Variants in FOXP2 observed in about 807,000 individuals in gnomAD.
FOXP2 encodes the protein forkhead box P2, also known as forkhead box protein P2.
A neutral mutation model predicts 115.8 loss-of-function variants in FOXP2; 12 were observed. The ratio of observed to expected loss-of-function variants is 0.10; its 90% CI spans 0.07 to 0.17. The LOEUF is 0.17. Ranked by LOEUF, FOXP2 falls within the 10% of genes least tolerant of loss-of-function variation. The probability of loss-of-function intolerance (pLI) is 1.00; values close to 1 mark genes in which losing one functional copy is unlikely to be tolerated. For synonymous variants in FOXP2, 328 were observed against 297.7 expected (o/e 1.10, Z -1.05); for missense variants, 629 against 843.5 (o/e 0.75, Z 3.15).
rs909622458 is a variant in FOXP2 at position 114,299,921 on chromosome 7, A to G, written c.-11+11812A>G. ...AATGATTTAAGGAAATCAAAGGATT[A>G]CACAGTACTCATTTACACTTTCAGG... On this transcript the variant is annotated intron_variant, in intron 2 of 17. Coordinates refer to the FOXP2 transcript ENST00000634411. Among the ~76,000 whole-genome samples, 3 of 152,174 alleles carry G rather than the reference A, an allele frequency of 2.0e-5. No homozygotes were observed. In the East Asian group the frequency reaches 5.8e-4, roughly 29 times the overall value.
intron 2 of FOXP2, among the ~76,000 whole-genome samples, chr7:114,366,150 C>T (rs934038091): frequency 6.6e-6 from 1 of 152,070 alleles, no homozygotes; most frequent in African/African-American, 2.4e-5. Flanking sequence ...TTTTTTGTCC[C>T]TTGAGGTGTT....
intron 2 of FOXP2, among the ~76,000 whole-genome samples, chr7:114,296,025 G>T (rs1034058197): frequency 2.0e-5 from 3 of 152,104 alleles, no homozygotes; most frequent in Non-Finnish European, 4.4e-5. Flanking sequence ...GGAATAATTT[G>T]CCAGGTTTAA....
At chr7:114,265,341 G>A (rs1795870338) in intron 1 of FOXP2, among the ~76,000 whole-genome samples, 1 of 152,108 alleles carries the variant, frequency 6.6e-6, no homozygotes, top group Admixed American at 6.5e-5. Context: ...ACCCAGCAGG[G>A]CAGTCATTAA....
intron 1 of FOXP2, among the ~76,000 whole-genome samples, chr7:114,214,525 C>T (rs1015981812): frequency 6.6e-6 from 1 of 152,116 alleles, no homozygotes; most frequent in Admixed American, 6.5e-5. Flanking sequence ...ATCCTTTTTA[C>T]CATGGCTACT....
intron 1 of FOXP2, among the ~76,000 whole-genome samples, chr7:114,263,310 C>A (rs1427571156): frequency 6.6e-6 from 1 of 151,682 alleles, no homozygotes; most frequent in Non-Finnish European, 1.5e-5. Context: ...ATAAACACTC[C>A]TCTATTATAG....
chr7:114,119,740 T>C (rs1160161134), intron 1 of FOXP2, among the ~76,000 whole-genome samples: 1 of 152,152 alleles, frequency 6.6e-6, no homozygotes, highest in Admixed American at 6.6e-5. Context: ...TTTTCATCAA[T>C]AGTATTTTTG....
intron 2 of FOXP2, among the ~76,000 whole-genome samples, chr7:114,495,509 T>TG (rs1797275508): frequency 2.9e-5 from 4 of 135,698 alleles, no homozygotes; most frequent in African/African-American, 8.2e-5. Flanking sequence ...TTTTTTTTTT[T>TG]TTTTGTTATT....
intron 1 of FOXP2, among the ~76,000 whole-genome samples, chr7:114,242,352 T>G (rs1045255982): frequency 6.6e-6 from 1 of 152,084 alleles, no homozygotes; most frequent in Admixed American, 6.5e-5. Flanking sequence ...ATGGGCAAAT[T>G]ACACCAATTG....
rs370489410 is a variant in FOXP2 at position 114,106,191 on chromosome 7, T to G, written c.-247+18353T>G. On this transcript the variant is annotated intron_variant, in intron 1 of 19. Coordinates refer to the FOXP2 transcript ENST00000635638. ...GTTCTTTCATCTGTGAACCTAATTT[T>G]TATCTCACCTGTAAAATATAGACAA... Among the ~76,000 whole-genome samples, 30 of 152,174 alleles carry G rather than the reference T, an allele frequency of 2.0e-4. No homozygotes were observed. The East Asian group carries it at 5.4e-3, about 27-fold the overall frequency.
intron 3 of FOXP2, among the ~76,000 whole-genome samples, chr7:114,546,390 C>T (rs554509502): frequency 6.6e-6 from 1 of 152,358 alleles, no homozygotes; most frequent in African/African-American, 2.4e-5. Flanking sequence ...CACCATCATA[C>T]ACCTGATACA....
intron 2 of FOXP2, among the ~76,000 whole-genome samples, chr7:114,468,807 G>T (rs371296582): frequency 1.3e-5 from 2 of 151,892 alleles, no homozygotes; most frequent in Non-Finnish European, 2.9e-5. Context: ...TAAGACTCAG[G>T]ATTATTCAAC....
intron 16 of FOXP2, among the ~76,000 whole-genome samples, chr7:114,688,134 T>A (rs1398325363): frequency 6.7e-6 from 1 of 150,194 alleles, no homozygotes; most frequent in Non-Finnish European, 1.5e-5. Context: ...AATGTGCTTG[T>A]CCTTTTCCTT....
At chr7:114,354,234 T>G (rs1256070925) in intron 2 of FOXP2, among the ~76,000 whole-genome samples, 1 of 152,090 alleles carries the variant, frequency 6.6e-6, no homozygotes, top group Non-Finnish European at 1.5e-5. Context: ...ATCAGATCCC[T>G]TCTGGGTTAG....
intron 2 of FOXP2, among the ~76,000 whole-genome samples, chr7:114,503,228 A>G (rs905630534): frequency 6.6e-6 from 1 of 151,874 alleles, no homozygotes; most frequent in Non-Finnish European, 1.5e-5. Context: ...TTTTGGTTCA[A>G]GTGACAGCAA....
intron 3 of FOXP2, among the ~76,000 whole-genome samples, chr7:114,583,176 G>A (rs377571718): frequency 2.0e-4 from 31 of 152,022 alleles, no homozygotes; most frequent in South Asian, 8.3e-4. Context: ...TCAGGAGTTC[G>A]AGCAAGACCA....
intron 9 of FOXP2, 85 bp downstream of exon 9, chr7:114,652,375 C>T (rs1806316093): frequency 1.8e-6 from 2 of 1,132,724 alleles, no homozygotes; most frequent in Non-Finnish European, 2.6e-6. Context: ...GTCTTTCAGC[C>T]TGCATTTTAC....
In FOXP2 at chr7:114,659,682, T is replaced by C. The variant is rs2129341041; in HGVS notation, c.1647+9T>C. 2 of 1,609,988 alleles carry C rather than the reference T, an allele frequency of 1.2e-6. No individual in the cohort carries two copies. The highest frequency in any genetic ancestry group is 3.3e-5 in the Admixed American group (2 of 59,960). Reference sequence around the variant, plus strand: ...ATGCAGCAACTTGGAAGGTAACTACTTTTCCAGCAGTTTTAAGATGCCTAC... The same window carrying C: ...ATGCAGCAACTTGGAAGGTAACTACCTTTCCAGCAGTTTTAAGATGCCTAC... On this transcript the variant is annotated intron_variant, in intron 13 of 16. Transcript: ENST00000350908.
chr7:114,412,123 C>T (rs1793178870), upstream of FOXP2, among the ~76,000 whole-genome samples: 1 of 151,932 alleles, frequency 6.6e-6, no homozygotes, highest in African/African-American at 2.4e-5. Context: ...TGGAAGAAAT[C>T]ATAATAAGGG....
chr7:114,442,321 A>C (rs1562929186), intron 2 of FOXP2, among the ~76,000 whole-genome samples: 2 of 151,636 alleles, frequency 1.3e-5, no homozygotes, highest in African/African-American at 2.4e-5. Context: ...GGTAAGAAGG[A>C]GCAGTATCTG....
Sources: allele counts gnomAD v4.1 joint callset (sites outside exome capture counted in the v4.1 genomes callset), GRCh38; gene constraint gnomAD v4.1.1; transcripts MANE v1.5; gene names NCBI Gene and HGNC (gene_info 2026-07-23, HGNC 2026-07-21).